KNTC1: variants seen among roughly 807,000 people sequenced by gnomAD.
The protein encoded by KNTC1 is kinetochore-associated protein 1.
Under a neutral mutation model 314.4 loss-of-function variants are expected in KNTC1, and 253 were observed. The ratio of observed to expected loss-of-function variants is 0.80; its 90% confidence interval spans 0.73 to 0.89. The LOEUF (loss-of-function observed/expected upper bound fraction) is 0.89. Among genes scored for constraint, KNTC1 ranks in the 40% least tolerant of loss-of-function variants. The probability of loss-of-function intolerance (pLI) is 0.00; values close to 1 mark genes in which losing one functional copy is unlikely to be tolerated. For synonymous variants in KNTC1, 901 were observed against 901.4 expected (o/e 1.00, Z 0.01); for missense variants, 2,475 against 2,572.9 (o/e 0.96, Z 0.82).
At chr12:122,600,689 A>G (rs1167645871) in intron 44 of KNTC1, among the ~76,000 whole-genome samples, 3 of 150,180 alleles carry the variant, frequency 2.0e-5, no homozygotes, top group African/African-American at 7.4e-5. Context: ...TTTTTGAGAC[A>G]TAGTCTGGTT....
Position 122,604,192 on chromosome 12 carries a change from T to TA in KNTC1, c.5102-370dup, listed in dbSNP as rs1555237594. Among the ~76,000 whole-genome samples, 236 of 130,662 alleles carry TA rather than the reference T, an allele frequency of 1.8e-3. 2 individuals are homozygous for TA. Among genetic ancestry groups the TA allele is most frequent in the African/African-American group, 6.1e-3 (168 of 27,688 alleles). The allele number at this position is 130,662 out of a possible 152,430, so 85.7% of individuals were successfully genotyped here. On this transcript the variant is annotated intron_variant, in intron 48 of 63. Coordinates refer to ENST00000333479, the MANE Select transcript of KNTC1 (RefSeq NM_014708.6). Reference sequence around the variant, plus strand: ...GCTTTTTTTTTTTTTTTTTTTTTTTTAACAGAGTCTTGCTCTGTCGCCCAG... The same window carrying TA: ...GCTTTTTTTTTTTTTTTTTTTTTTTTAAACAGAGTCTTGCTCTGTCGCCCAG...
chr12:122,595,630 C>T (rs1373339986), intron 43 of KNTC1, among the ~76,000 whole-genome samples: 3 of 152,144 alleles, frequency 2.0e-5, no homozygotes, highest in Non-Finnish European at 4.4e-5. Flanking sequence ...CTGCGCATAG[C>T]TCGAAGGAGC....
rs1402632738 is a variant in KNTC1, at chr12:122,622,624, A to G, written c.6515+17A>G. The stretch of plus-strand genomic sequence containing the variant: ...TGACTTAAGGTAAGTTAATTAAAAA[A>G]AAAAAAACTTACTGTGGAATTTCCT... On this transcript the variant is annotated intron_variant, in intron 62 of 63. Transcript: ENST00000333479. 5.3e-6 allele frequency: 8 copies of G among 1,497,850 alleles called. No homozygotes were observed. In the South Asian group the frequency reaches 1.1e-4, roughly 20 times the overall value. 92.8% of individuals were successfully genotyped at this position (1,497,850 alleles called of 1,614,324 possible).
chr12:122,572,130 G>A (rs1213389169), intron 24 of KNTC1, among the ~76,000 whole-genome samples: 2 of 152,044 alleles, frequency 1.3e-5, no homozygotes, highest in South Asian at 4.1e-4. Context: ...GATGGCTTAC[G>A]CCTGTAATCC....
intron 12 of KNTC1, among the ~76,000 whole-genome samples, chr12:122,548,440 C>T (rs886912327): frequency 2.0e-5 from 3 of 152,032 alleles, no homozygotes; most frequent in Non-Finnish European, 4.4e-5. Context: ...TATCTCCTGA[C>T]CTGGTGATTT....
At chr12:122,606,944 T>C (rs948800158) in intron 51 of KNTC1, among the ~76,000 whole-genome samples, 2 of 152,220 alleles carry the variant, frequency 1.3e-5, no homozygotes, top group Non-Finnish European at 2.9e-5. Flanking sequence ...TAATTGAATT[T>C]ATGGTCCATT....
Position 122,615,050 on chromosome 12 carries a change from G to C in KNTC1, c.5937G>C (p.Trp1979Cys). The C allele has an allele frequency of 6.2e-7, 1 of 1,613,502 alleles. No homozygotes were observed. Among genetic ancestry groups the C allele is most frequent in the Non-Finnish European group, 8.5e-7 (1 of 1,179,682 alleles). The change falls in exon 56 of 64, where the codon TGG becomes TGC. Residue 1979 changes from tryptophan to cysteine, a missense_variant. Transcript: ENST00000333479. ...ACAAAATCTATGACCTGCAGCTTTG[G>C]AATGGACTCTTGCAAAAGCTTCTGG... is the stretch of plus-strand genomic sequence containing the variant. ...LEYKIYDLQL[W>C]NGLLQKLLGF...
intron 40 of KNTC1, 65 bp from the exon 41 acceptor site, chr12:122,590,542 G>T: frequency 7.0e-7 from 1 of 1,437,962 alleles, no homozygotes; most frequent in Non-Finnish European, 9.4e-7. Context: ...TCTGCCCTTT[G>T]TGAACAAAGT....
At chr12:122,529,585 TA>T (rs1215228976) in intron 1 of KNTC1, among the ~76,000 whole-genome samples, 5 of 152,256 alleles carry the variant, frequency 3.3e-5, no homozygotes, top group Non-Finnish European at 7.3e-5. Flanking sequence ...TCTGGAATCT[TA>T]TCATCCTATG....
At chr12:122,561,733 C>A (rs771832913) in intron 18 of KNTC1, among the ~76,000 whole-genome samples, 188 bp from the exon 19 acceptor site, 2 of 152,070 alleles carry the variant, frequency 1.3e-5, no homozygotes, top group Non-Finnish European at 2.9e-5. Flanking sequence ...GGATTACAGG[C>A]GTGAGCCACT....
At chr12:122,616,605 C>G (rs377483371) in intron 57 of KNTC1, among the ~76,000 whole-genome samples, 2 of 152,126 alleles carry the variant, frequency 1.3e-5, no homozygotes, top group African/African-American at 4.8e-5. Flanking sequence ...GTGTGCATAT[C>G]TACAGTGTAT....
chr12:122,582,157 C>T (rs1565982725), intron 33 of KNTC1, among the ~76,000 whole-genome samples: 1 of 152,106 alleles, frequency 6.6e-6, no homozygotes, highest in African/African-American at 2.4e-5. Flanking sequence ...TGGTTCATGC[C>T]TGTAATCCCA....
intron 19 of KNTC1, among the ~76,000 whole-genome samples, chr12:122,562,279 A>G (rs1280173032): frequency 6.6e-6 from 1 of 152,188 alleles, no homozygotes. Flanking sequence ...GCATATAAAT[A>G]TTCAAATTCT....
rs1313517540 is a variant in KNTC1, at chr12:122,604,544, T to C, written c.5102-20T>C. 1 of 1,172,782 alleles carries C rather than the reference T, an allele frequency of 8.5e-7. No individual in the cohort carries two copies. The highest frequency in any genetic ancestry group is 1.2e-6 in the Non-Finnish European group (1 of 814,076). The allele number at this position is 1,172,782 out of a possible 1,614,324, so 72.6% of individuals were successfully genotyped here. A position where few individuals can be genotyped will look rare whatever the true frequency, so the allele number is the denominator to read the frequency against. ...ATTTGCCTGTAAATCTTTATTTATT[T>C]ATTTATTTATTTATTTTAGGTTCCT... On this transcript the variant is annotated intron_variant, in intron 48 of 63. Coordinates refer to ENST00000333479, the MANE Select transcript of KNTC1 (RefSeq NM_014708.6).
intron 20 of KNTC1, among the ~76,000 whole-genome samples, chr12:122,564,021 A>C (rs1032959415): frequency 6.6e-6 from 1 of 152,236 alleles, no homozygotes; most frequent in Non-Finnish European, 1.5e-5. Flanking sequence ...TCTATTGCCA[A>C]GGCTGGAGTC....
Position 122,620,580 on chromosome 12 carries a change from A to G in KNTC1, c.6251A>G (p.His2084Arg). 1.2e-6 allele frequency: 2 copies of G among 1,613,644 alleles called. No individual in the cohort carries two copies. Among genetic ancestry groups the G allele is most frequent in the Non-Finnish European group, 1.7e-6 (2 of 1,179,690 alleles). The change falls in exon 60 of 64, where the codon CAC becomes CGC. Residue 2084 changes from histidine (H) to arginine (R), a missense_variant. Transcript: ENST00000333479. ...FALACLMLMP[H>R]SEKRHQQIKN... is the part of the protein sequence containing the mutation. ...TTAGCTTGTCTGATGCTCATGCCCCACTCAGAGAAAAGACACCAGCAAATT... is the reference window on the plus strand; with the variant it reads ...TTAGCTTGTCTGATGCTCATGCCCCGCTCAGAGAAAAGACACCAGCAAATT...
chr12:122,613,479 A>G (rs1218282244), intron 54 of KNTC1, 147 bp from the exon 55 acceptor site: 4 of 690,894 alleles, frequency 5.8e-6, no homozygotes, highest in Middle Eastern at 4.1e-4. Flanking sequence ...ATTTCTATCT[A>G]ATGTTATTAT....
chr12:122,588,464 C>T (rs979681871), intron 39 of KNTC1, among the ~76,000 whole-genome samples: 1 of 152,100 alleles, frequency 6.6e-6, no homozygotes, highest in Non-Finnish European at 1.5e-5. Flanking sequence ...TTAAAATGCA[C>T]ATTTTAAGTA....
Position 122,543,630 on chromosome 12 carries a change from A to G in KNTC1, c.554A>G (p.Lys185Arg), listed in dbSNP as rs1962522264. Residue 185 changes from lysine to arginine, a missense_variant, in exon 7 of 64, where the codon AAA becomes AGA. Physicochemically the swap from Lys to Arg is conservative, Grantham distance 26. Coordinates refer to ENST00000333479, the MANE Select transcript of KNTC1 (RefSeq NM_014708.6). ...AIENVDFSTA[K>R]KLQGQIKSSF... Reference sequence around the variant, plus strand: ...GAGAATGTAGACTTCAGTACAGCAAAAAAGGTAAGAAAATAAATCCATATT... The same window carrying G: ...GAGAATGTAGACTTCAGTACAGCAAGAAAGGTAAGAAAATAAATCCATATT... 2 of 1,549,362 alleles carry G rather than the reference A, an allele frequency of 1.3e-6. No homozygotes were observed. The highest frequency in any genetic ancestry group is 2.7e-5 in the African/African-American group (2 of 73,072).
Sources: allele counts gnomAD v4.1 joint callset (sites outside exome capture counted in the v4.1 genomes callset), GRCh38; gene constraint gnomAD v4.1.1; transcripts MANE v1.5; gene names NCBI Gene and HGNC (gene_info 2026-07-23, HGNC 2026-07-21).